Variants in KLF15 observed in about 807,000 individuals in gnomAD.
KLF15 encodes Krueppel-like factor 15.
In KLF15, 4 loss-of-function variants were observed where a neutral mutation model predicts 24.6. The observed-to-expected ratio is 0.16, with a 90% confidence interval of 0.08 to 0.37. The LOEUF (loss-of-function observed/expected upper bound fraction) is 0.37. Ranked by LOEUF, KLF15 falls within the 10% of genes least tolerant of loss-of-function variation. KLF15 has a pLI of 1.00. For synonymous variants in KLF15, 246 were observed against 236.3 expected, an observed-to-expected ratio of 1.04 and a Z score of -0.37; for missense variants, 496 against 560.6, an observed-to-expected ratio of 0.88 and a Z score of 1.16.
chr3:126,348,524 C>T (rs951803925), intron 2 of KLF15, among the ~76,000 whole-genome samples: 1 of 152,214 alleles, frequency 6.6e-6, no homozygotes, highest in Non-Finnish European at 1.5e-5. Flanking sequence ...TGCTCACTAG[C>T]TATGTCCCTG....
At chr3:126,307,123 G>A in the KLF15 span, among the ~76,000 whole-genome samples, 2 of 152,136 alleles carry the variant, frequency 1.3e-5, no homozygotes, top group African/African-American at 2.4e-5. Flanking sequence ...GCCCTTCTGA[G>A]CAGCACAGAT....
intron 2 of KLF15, among the ~76,000 whole-genome samples, chr3:126,344,579 C>T (rs1468758293): frequency 6.6e-6 from 1 of 152,206 alleles, no homozygotes; most frequent in African/African-American, 2.4e-5. Context: ...CTGATGCTGG[C>T]TGCCTCTCAC....
chr3:126,349,106 G>C (rs1331582832), intron 2 of KLF15, among the ~76,000 whole-genome samples: 19 of 152,106 alleles, frequency 1.2e-4, no homozygotes, highest in Non-Finnish European at 2.8e-4. Flanking sequence ...CTCAGTTGAA[G>C]ACTATCACCA....
intron 2 of KLF15, among the ~76,000 whole-genome samples, chr3:126,345,879 G>A (rs1658527150): frequency 6.6e-6 from 1 of 152,224 alleles, no homozygotes; most frequent in African/African-American, 2.4e-5. Context: ...AGTGCTTTCA[G>A]CACATCTCCA....
rs1303080329 is a variant in KLF15 at position 126,352,406 on chromosome 3, G to C, written c.517C>G (p.Leu173Val). The C allele has an allele frequency of 3.7e-6, 6 of 1,613,408 alleles. No individual in the cohort carries two copies. The highest frequency in any genetic ancestry group is 5.1e-6 in the Non-Finnish European group (6 of 1,179,864). The change falls in exon 2 of 3, where the codon CTC (leucine) becomes GTC (valine). Residue 173 changes from leucine to valine, a missense_variant. By Grantham distance (32) the Leu-to-Val change is conservative. Transcript: ENST00000296233. ...TGGCTCTTGTGTGGCCCAGCTGAGA[G>C]CTGGCTGCAGGCATCCAAGTCCTTG... ...NSKDLDACSQ[L>V]SAGPHKSHLH...
At chr3:126,289,477 T>C in the KLF15 span, among the ~76,000 whole-genome samples, 1 of 151,782 alleles carries the variant, frequency 6.6e-6, no homozygotes, top group East Asian at 1.9e-4. Flanking sequence ...AAGAAAAGAG[T>C]AGGAAATGGG....
chr3:126,332,228 A>G, the KLF15 span, among the ~76,000 whole-genome samples: 1 of 150,240 alleles, frequency 6.7e-6, no homozygotes, highest in African/African-American at 2.4e-5. Flanking sequence ...AGATCTGAGA[A>G]CCAGCAGACT....
chr3:126,329,576 C>T, the KLF15 span, among the ~76,000 whole-genome samples: 2 of 152,090 alleles, frequency 1.3e-5, no homozygotes, highest in African/African-American at 2.4e-5. Context: ...AGGCAATCTC[C>T]CCACCTCTAC....
At chr3:126,297,457 T>G in the KLF15 span, among the ~76,000 whole-genome samples, 1 of 152,240 alleles carries the variant, frequency 6.6e-6, no homozygotes, top group African/African-American at 2.4e-5. Flanking sequence ...TCCAGTATAT[T>G]CTTTTTTTAT....
the KLF15 span, among the ~76,000 whole-genome samples, chr3:126,311,583 C>T: frequency 2.7e-3 from 415 of 152,314 alleles, 1 homozygote; most frequent in African/African-American, 9.6e-3. Flanking sequence ...CTCCCAGTTC[C>T]TCTGGAGCCA....
chr3:126,302,416 G>A, the KLF15 span, among the ~76,000 whole-genome samples: 3 of 149,150 alleles, frequency 2.0e-5, no homozygotes, highest in Non-Finnish European at 4.5e-5. Flanking sequence ...TGTTATTTAA[G>A]GCTTCTATAT....
chr3:126,301,400 A>C, the KLF15 span, among the ~76,000 whole-genome samples: 1 of 152,130 alleles, frequency 6.6e-6, no homozygotes, highest in Non-Finnish European at 1.5e-5. Flanking sequence ...TCTGGCTGGC[A>C]GACCTAGGAG....
chr3:126,306,268 C>A, the KLF15 span, among the ~76,000 whole-genome samples: 1 of 152,248 alleles, frequency 6.6e-6, no homozygotes, highest in South Asian at 2.1e-4. Context: ...AAGGACTAAA[C>A]ACAGTTCTGG....
the KLF15 span, among the ~76,000 whole-genome samples, chr3:126,334,935 T>A: frequency 9.5e-6 from 1 of 105,662 alleles, no homozygotes; most frequent in Non-Finnish European, 1.9e-5. Context: ...TAATCAATAG[T>A]TTACCAACCA....
At chr3:126,339,811 C>T (rs1360060749), downstream of KLF15, among the ~76,000 whole-genome samples, 1 of 152,212 alleles carries the variant, frequency 6.6e-6, no homozygotes, top group African/African-American at 2.4e-5. Context: ...AGACTCTGGA[C>T]CCTATTCACG....
the KLF15 span, among the ~76,000 whole-genome samples, chr3:126,302,821 C>G: frequency 2.6e-5 from 4 of 152,090 alleles, no homozygotes; most frequent in Non-Finnish European, 4.4e-5. Flanking sequence ...TAGTAGCATA[C>G]ACTTGAGTCT....
At chr3:126,299,734 C>T in the KLF15 span, among the ~76,000 whole-genome samples, 9 of 123,390 alleles carry the variant, frequency 7.3e-5, no homozygotes, top group Non-Finnish European at 1.1e-4. Flanking sequence ...GTCAACAGAG[C>T]GACACTCCAT....
chr3:126,316,412 G>A, the KLF15 span, among the ~76,000 whole-genome samples: 15 of 71,550 alleles, frequency 2.1e-4, no homozygotes, highest in African/African-American at 9.0e-4. Context: ...GCATCCATGG[G>A]CCAGTGGGGA....
intron 2 of KLF15, among the ~76,000 whole-genome samples, chr3:126,348,818 G>A (rs1285132509): frequency 2.0e-5 from 3 of 152,166 alleles, no homozygotes; most frequent in South Asian, 2.1e-4. Context: ...GGGCCAGAAC[G>A]AGAAGCTTGA....
Sources: gnomAD v4.1 joint callset for allele counts (sites outside exome capture counted in the v4.1 genomes callset) on GRCh38, gnomAD v4.1.1 for gene constraint, MANE v1.5 for transcripts, NCBI Gene and HGNC (gene_info 2026-07-23, HGNC 2026-07-21) for gene names.